The following CDH7 variants were observed in gnomAD, a reference collection of about 807,000 sequenced individuals.
CDH7 encodes the protein cadherin 7.
Under a neutral mutation model 71.8 loss-of-function variants are expected in CDH7, and 25 were observed. That is an observed-to-expected ratio of 0.35 (90% CI 0.25 to 0.49). CDH7 has a LOEUF of 0.49. Ranked by LOEUF, CDH7 falls within the 20% of genes least tolerant of loss-of-function variation. The probability of loss-of-function intolerance (pLI) is 0.99; values close to 1 mark genes in which losing one functional copy is unlikely to be tolerated. For missense variants in CDH7, 862 were observed against 974.6 expected (o/e 0.88, Z 1.54); for synonymous variants, 381 against 363.8 (o/e 1.05, Z -0.54).
intron 4 of CDH7, among the ~76,000 whole-genome samples, chr18:65,815,142 G>A (rs755657878): frequency 6.6e-6 from 1 of 152,134 alleles, no homozygotes; most frequent in Admixed American, 6.5e-5. Context: ...GAGTTGAAAA[G>A]TGGTATGGAT....
chr18:65,846,986 A>G (rs1056316388), intron 7 of CDH7, among the ~76,000 whole-genome samples: 1 of 150,896 alleles, frequency 6.6e-6, no homozygotes, highest in Non-Finnish European at 1.5e-5. Flanking sequence ...ATAGCATTTT[A>G]TATGCAACCA....
intron 4 of CDH7, among the ~76,000 whole-genome samples, chr18:65,821,115 A>G (rs1911908637): frequency 1.5e-5 from 1 of 68,438 alleles, no homozygotes; most frequent in South Asian, 5.6e-4. Flanking sequence ...AACAGCAAAA[A>G]ATAACAAACA....
chr18:65,833,189 T>C (rs891345191), intron 6 of CDH7, among the ~76,000 whole-genome samples: 1 of 152,186 alleles, frequency 6.6e-6, no homozygotes, highest in Admixed American at 6.6e-5. Context: ...CTAAGTTAGA[T>C]AGCACAGTGG....
chr18:65,784,259 T>C (rs1446441058), intron 2 of CDH7, among the ~76,000 whole-genome samples: 2 of 151,998 alleles, frequency 1.3e-5, no homozygotes, highest in African/African-American at 4.8e-5. Context: ...AAAGTTGTAA[T>C]TTTTAAAAGG....
chr18:65,825,402 C>T (rs1339139952), intron 6 of CDH7, among the ~76,000 whole-genome samples: 1 of 151,824 alleles, frequency 6.6e-6, no homozygotes, highest in Non-Finnish European at 1.5e-5. Context: ...AAAGTCAGTA[C>T]AGCCCAAACT....
chr18:65,879,367 G>GA (rs973670698), intron 11 of CDH7, among the ~76,000 whole-genome samples: 112 of 152,002 alleles, frequency 7.4e-4, no homozygotes, highest in Non-Finnish European at 1.1e-3. Flanking sequence ...AGACTTTCCA[G>GA]AAAAAAATCG....
intron 10 of CDH7, among the ~76,000 whole-genome samples, chr18:65,862,054 A>G (rs182794673): frequency 2.0e-5 from 3 of 152,160 alleles, no homozygotes; most frequent in African/African-American, 7.2e-5. Flanking sequence ...AATATTAAAT[A>G]TAAGGTAAAC....
intron 7 of CDH7, among the ~76,000 whole-genome samples, chr18:65,849,807 A>G (rs1913081560): frequency 6.6e-6 from 1 of 152,130 alleles, no homozygotes; most frequent in South Asian, 2.1e-4. Flanking sequence ...CTCCAGGTAA[A>G]ATAAATTCAC....
chr18:65,758,811 A>G (rs951255681), intron 1 of CDH7, among the ~76,000 whole-genome samples: 1 of 152,224 alleles, frequency 6.6e-6, no homozygotes, highest in Non-Finnish European at 1.5e-5. Context: ...TCAAAAAATG[A>G]GGTTGATCAT....
chr18:65,768,032 T>C (rs1346426755), intron 2 of CDH7, among the ~76,000 whole-genome samples: 1 of 152,190 alleles, frequency 6.6e-6, no homozygotes, highest in Non-Finnish European at 1.5e-5. Flanking sequence ...CTCTCAGTTA[T>C]ATGCCTGATT....
intron 1 of CDH7, 149 bp from the exon 2 acceptor site, chr18:65,762,498 T>G (rs957010615): frequency 1.9e-5 from 3 of 154,218 alleles, no homozygotes; most frequent in African/African-American, 7.2e-5. Context: ...AAGTATATAA[T>G]TAATATTTTA....
At position 65,810,081 on chromosome 18, in the gene CDH7, G is replaced by GA. The variant is rs5825649; in HGVS notation, c.505+96dup. 9.5e-3 allele frequency: 7,082 copies of GA among 747,400 alleles called. 120 individuals carry two copies. The highest frequency in any genetic ancestry group is 0.081 in the African/African-American group (4,580 of 56,484). 46.3% of individuals were successfully genotyped at this position (747,400 alleles called of 1,614,324 possible). A position where few individuals can be genotyped will look rare whatever the true frequency, so the allele number is the denominator to read the frequency against. ...TAAAATTAAATCATCATTAAGTACT[G>GA]AAAAAAAAAAAAACCTTACTAGTAT... On this transcript the variant is annotated intron_variant, in intron 3 of 11. Coordinates refer to ENST00000397968, the MANE Select transcript of CDH7 (RefSeq NM_004361.5).
At chr18:65,798,281 G>A (rs79052269) in intron 2 of CDH7, among the ~76,000 whole-genome samples, 6,447 of 152,236 alleles carry the variant, frequency 0.042, 178 homozygotes, top group South Asian at 0.13. Context: ...ACACTGCCTG[G>A]GGCTACAACT....
intron 1 of CDH7, among the ~76,000 whole-genome samples, chr18:65,761,957 T>A (rs901794229): frequency 6.6e-6 from 1 of 152,140 alleles, no homozygotes; most frequent in Non-Finnish European, 1.5e-5. Flanking sequence ...AGATGCTCAA[T>A]AAATAATTGT....
At chr18:65,858,417 A>T (rs1322471609) in intron 8 of CDH7, among the ~76,000 whole-genome samples, 1 of 151,986 alleles carries the variant, frequency 6.6e-6, no homozygotes, top group Non-Finnish European at 1.5e-5. Context: ...TATGTATATG[A>T]TATATTGTGT....
intron 6 of CDH7, 99 bp from the exon 7 acceptor site, chr18:65,843,713 A>G: frequency 9.1e-7 from 1 of 1,097,188 alleles, no homozygotes; most frequent in Non-Finnish European, 1.3e-6. Flanking sequence ...TTTACATGAC[A>G]GAGTCCTTCC....
At chr18:65,813,715 A>T (rs1052987553) in intron 3 of CDH7, among the ~76,000 whole-genome samples, 1 of 152,106 alleles carries the variant, frequency 6.6e-6, no homozygotes, top group Non-Finnish European at 1.5e-5. Context: ...TATTTTAAAG[A>T]TTACATTCCA....
intron 2 of CDH7, among the ~76,000 whole-genome samples, chr18:65,801,927 A>G (rs1192623213): frequency 2.8e-4 from 42 of 152,320 alleles, no homozygotes; most frequent in Non-Finnish European, 2.9e-5. Context: ...ATAGTTTGCA[A>G]ACACCTTATG....
rs1316383493 is a variant in CDH7, at chr18:65,805,374, C to T, written c.211-4330C>T. ...GAGAACTAGTCCAGCATGCTTGGAC[C>T]ATAGACTACACTGTGAGATGTGGGA... On this transcript the variant is annotated intron_variant, in intron 2 of 11. Coordinates refer to ENST00000397968, the MANE Select transcript of CDH7 (RefSeq NM_004361.5). Among the ~76,000 whole-genome samples, 3 of 152,114 alleles carry T rather than the reference C, an allele frequency of 2.0e-5. No individual in the cohort carries two copies. The East Asian group carries it at 5.8e-4, about 29-fold the overall frequency.
Sources: gnomAD v4.1 joint callset for allele counts (sites outside exome capture counted in the v4.1 genomes callset) on GRCh38, gnomAD v4.1.1 for gene constraint, MANE v1.5 for transcripts, NCBI Gene and HGNC (gene_info 2026-07-23, HGNC 2026-07-21) for gene names.